Variants in SYNE2 observed in about 807,000 individuals in gnomAD.
SYNE2 encodes the protein nesprin-2.
SYNE2 carries 431 observed loss-of-function variants against 856.3 expected under a neutral mutation model. That is an observed-to-expected ratio of 0.50 (90% CI 0.47 to 0.55). The LOEUF (loss-of-function observed/expected upper bound fraction) is 0.55, where lower values mean the gene tolerates loss of function less well. Ranked by LOEUF, SYNE2 falls within the 20% of genes least tolerant of loss-of-function variation. SYNE2 has a pLI of 0.00. For synonymous variants in SYNE2, 2,923 were observed against 2,872.3 expected (o/e 1.02, Z -0.56); for missense variants, 8,129 against 8,023.2 (o/e 1.01, Z -0.50).
chr14:63,997,076 C>A lies in SYNE2; in HGVS notation c.3070C>A (p.Gln1024Lys). 1 of 1,614,034 alleles carries A rather than the reference C, an allele frequency of 6.2e-7. No homozygotes were observed. Among genetic ancestry groups the A allele is most frequent in the Non-Finnish European group, 8.5e-7 (1 of 1,179,974 alleles). ...EVKRLLKDYE[Q>K]KIERLLKCAS... is the part of the protein sequence containing the mutation. The stretch of plus-strand genomic sequence containing the variant: ...GAAGAGACTACTCAAAGATTATGAA[C>A]AAAAGATAGAAAGACTTCTGAAATG... Residue 1024 changes from glutamine to lysine, a missense_variant, in exon 24 of 116, where the codon CAA becomes AAA. Gln to Lys is a moderately conservative substitution (Grantham distance 53). This residue lies in a region of SYNE2 where 2,422 missense variants were observed against 2,357.4 expected (regional missense o/e 1.03). Coordinates refer to ENST00000555002, the MANE Select transcript of SYNE2 (RefSeq NM_182914.3).
At chr14:64,196,871 G>A (rs757292581) in intron 99 of SYNE2, 1 of 152,238 alleles carries the variant, frequency 6.6e-6, no homozygotes, top group Non-Finnish European at 1.5e-5. Context: ...ATTGCAGTTA[G>A]CAGGGGAGAA....
intron 11 of SYNE2, among the ~76,000 whole-genome samples, chr14:63,974,792 ATGTGTATATATG>A (rs2096519000): frequency 8.1e-6 from 1 of 123,482 alleles, no homozygotes; most frequent in Non-Finnish European, 1.7e-5. Flanking sequence ...GTGTATATAT[ATGTGTATATATG>A]TGTATATATG....
At chr14:63,977,709 A>G (rs938146825) in intron 12 of SYNE2, among the ~76,000 whole-genome samples, 196 bp from the exon 13 acceptor site, 4 of 152,198 alleles carry the variant, frequency 2.6e-5, no homozygotes, top group East Asian at 3.9e-4. Flanking sequence ...GCAGTGAGCT[A>G]TGATCATGCC....
intron 1 of SYNE2, among the ~76,000 whole-genome samples, chr14:63,806,888 T>C (rs1013691124): frequency 5.9e-5 from 9 of 152,070 alleles, no homozygotes; most frequent in African/African-American, 2.2e-4. Context: ...TTTTTTTTTT[T>C]TTCAAAAAAG....
chr14:63,790,201 A>G (rs966893993), intron 1 of SYNE2, among the ~76,000 whole-genome samples: 2 of 151,944 alleles, frequency 1.3e-5, no homozygotes, highest in African/African-American at 2.4e-5. Context: ...GTATGGTGGC[A>G]TGCACCTGTA....
intron 1 of SYNE2, among the ~76,000 whole-genome samples, chr14:63,782,337 A>C: frequency 6.6e-6 from 1 of 151,550 alleles, no homozygotes; most frequent in Admixed American, 6.6e-5. Context: ...GCCTGTTTGC[A>C]TGTGCCTGTA....
chr14:63,786,175 A>C (rs188633945), intron 1 of SYNE2, among the ~76,000 whole-genome samples: 50 of 151,720 alleles, frequency 3.3e-4, no homozygotes, highest in African/African-American at 1.2e-3. Flanking sequence ...TCTTGAACCC[A>C]GGAGGCGGAG....
intron 1 of SYNE2, among the ~76,000 whole-genome samples, chr14:63,779,325 C>T (rs1360069652): frequency 2.9e-5 from 4 of 139,254 alleles, no homozygotes; most frequent in Non-Finnish European, 4.6e-5. Context: ...AACTCCGTCT[C>T]AAATAAATAA....
chr14:63,961,886 CTT>C (rs879550028), intron 9 of SYNE2, among the ~76,000 whole-genome samples: 4 of 141,518 alleles, frequency 2.8e-5, no homozygotes, highest in Admixed American at 7.1e-5. Flanking sequence ...GTTGAATGTT[CTT>C]TTTTTTTTTT....
intron 65 of SYNE2, among the ~76,000 whole-genome samples, chr14:64,107,844 C>T (rs971268230): frequency 4.6e-5 from 7 of 152,176 alleles, no homozygotes; most frequent in African/African-American, 1.7e-4. Context: ...TACCATTTGT[C>T]ATCATGAAAT....
At position 64,202,116 on chromosome 14, in the gene SYNE2, G is replaced by A. The variant is rs544204050; in HGVS notation, c.18039-685G>A. On this transcript the variant is annotated intron_variant, in intron 99 of 115. Coordinates refer to ENST00000555002, the MANE Select transcript of SYNE2 (RefSeq NM_182914.3). ...CGAGTTGGGCCGGATGGGAGCTGAG[G>A]CAGACTGGCGAGGGAGATCACATTT... is the stretch of plus-strand genomic sequence containing the variant. 751 of 693,214 alleles carry A rather than the reference G, an allele frequency of 1.1e-3. 8 individuals are homozygous for A. Among genetic ancestry groups the A allele is most frequent in the South Asian group, 6.5e-3 (432 of 66,884 alleles). 42.9% of individuals were successfully genotyped at this position (693,214 alleles called of 1,614,324 possible). A position where few individuals can be genotyped will look rare whatever the true frequency, so the allele number is the denominator to read the frequency against.
chr14:64,152,635 G>C lies in SYNE2; in HGVS notation c.15711G>C (p.Glu5237Asp), dbSNP rs549276684. ...DELKQSYLTL[E>D]SGAVPLLEDT... ...TGAAACAAAGTTATCTGACTTTGGA[G>C]AGTGGGGCAGTGCCATTGTTAGAAG... Residue 5237 changes from glutamate to aspartate, a missense_variant, in exon 85 of 116, where the codon GAG becomes GAC. Around this residue, in one of 3 missense-constraint regions of SYNE2, gnomAD observed 5,410 missense variants for 5,284.8 expected, o/e 1.02. Coordinates refer to ENST00000555002, the MANE Select transcript of SYNE2 (RefSeq NM_182914.3). 1.2e-6 allele frequency: 2 copies of C among 1,614,102 alleles called. No individual in the cohort carries two copies. Among genetic ancestry groups the C allele is most frequent in the African/African-American group, 1.3e-5 (1 of 75,042 alleles).
At chr14:64,078,646 C>T (rs2097490445) in intron 55 of SYNE2, 40 bp downstream of exon 55, 1 of 1,609,126 alleles carries the variant, frequency 6.2e-7, no homozygotes, top group East Asian at 2.2e-5. Context: ...TTTGGTACTT[C>T]TGACCCACTC....
intron 6 of SYNE2, among the ~76,000 whole-genome samples, chr14:63,948,156 GACACACACATAC>G (rs1217769548): frequency 3.2e-5 from 4 of 124,338 alleles, no homozygotes; most frequent in African/African-American, 1.2e-4. Flanking sequence ...TACACACACA[GACACACACATAC>G]ACACACACAC....
At chr14:63,806,776 T>C (rs1035028082) in intron 1 of SYNE2, among the ~76,000 whole-genome samples, 2 of 152,042 alleles carry the variant, frequency 1.3e-5, no homozygotes, top group African/African-American at 4.8e-5. Flanking sequence ...AATGTTAATG[T>C]CTCCGTTGTC....
intron 7 of SYNE2, among the ~76,000 whole-genome samples, chr14:63,952,840 T>A (rs1242719855): frequency 2.0e-5 from 3 of 152,184 alleles, no homozygotes; most frequent in African/African-American, 7.2e-5. Flanking sequence ...CCTGAGTAGC[T>A]TTTATCATTT....
chr14:64,132,485 T>C, intron 77 of SYNE2, 47 bp downstream of exon 77: 1 of 1,609,084 alleles, frequency 6.2e-7, no homozygotes, highest in Non-Finnish European at 8.5e-7. Flanking sequence ...AATTGCTGAT[T>C]TTCCATCACC....
chr14:63,822,663 C>T (rs1173245438), intron 1 of SYNE2, among the ~76,000 whole-genome samples: 1 of 152,222 alleles, frequency 6.6e-6, no homozygotes, highest in Non-Finnish European at 1.5e-5. Context: ...AAGTCCAATG[C>T]TCTGCTCATG....
rs745483802 is a variant in SYNE2 at position 64,216,364 on chromosome 14, A to G, written c.19519A>G (p.Ser6507Gly). The G allele has an allele frequency of 9.9e-6, 16 of 1,614,092 alleles. No homozygotes were observed. In the East Asian group the frequency reaches 3.3e-4, roughly 34 times the overall value. The change falls in exon 108 of 116, where the codon AGC becomes GGC. Residue 6507 changes from serine (S) to glycine (G), a missense_variant. Physicochemically the swap from Ser to Gly is moderately conservative, Grantham distance 56. Around this residue, in one of 3 missense-constraint regions of SYNE2, gnomAD observed 5,410 missense variants for 5,284.8 expected, o/e 1.02. Coordinates refer to ENST00000555002, the MANE Select transcript of SYNE2 (RefSeq NM_182914.3). ...TGTTCCACCTGTTCCCCCTGCGTCC[A>G]GCACCCCTTATAAACCACCCTATGT... ...RNVPPVPPAS[S>G]TPYKPPYGKL...
Sources: gnomAD v4.1 joint callset for allele counts (sites outside exome capture counted in the v4.1 genomes callset) on GRCh38, gnomAD v4.1.1 for gene constraint, gnomAD v4.1.1 regional missense constraint, MANE v1.5 for transcripts, NCBI Gene and HGNC (gene_info 2026-07-23, HGNC 2026-07-21) for gene names.